Variants in CCDC33 observed in about 807,000 individuals in gnomAD.
The protein encoded by CCDC33 is coiled-coil domain containing 33.
A neutral mutation model predicts 91.9 loss-of-function variants in CCDC33; 94 were observed. The ratio of observed to expected loss-of-function variants is 1.02; its 90% CI spans 0.87 to 1.21. The LOEUF is 1.21. Ranked by LOEUF, CCDC33 falls within the 50% of genes most tolerant of loss-of-function variation. CCDC33 has a pLI of 0.00. For synonymous variants in CCDC33, 396 were observed against 374.5 expected (o/e 1.06, Z -0.66); for missense variants, 940 against 935.5 (o/e 1.00, Z -0.06).
At chr15:74,313,415 C>CTTTTTTT (rs35519774) in intron 11 of CCDC33, among the ~76,000 whole-genome samples, 18 of 94,180 alleles carry the variant, frequency 1.9e-4, no homozygotes, top group South Asian at 4.3e-4. Flanking sequence ...TTCTTTCTTT[C>CTTTTTTT]TTTTTTTTTT....
intron 7 of CCDC33, among the ~76,000 whole-genome samples, chr15:74,276,153 G>C (rs773581803): frequency 6.6e-6 from 1 of 152,176 alleles, no homozygotes; most frequent in African/African-American, 2.4e-5. Flanking sequence ...TTATGGAGGC[G>C]GAGCCACCCG....
At chr15:74,208,579 G>A (rs151287532) in intron 1 of CCDC33, among the ~76,000 whole-genome samples, 6 of 152,224 alleles carry the variant, frequency 3.9e-5, no homozygotes, top group Non-Finnish European at 4.4e-5. Context: ...AATGTCTCCT[G>A]CCTTTTGGAG....
chr15:74,235,607 C>T (rs1272680869), upstream of CCDC33, among the ~76,000 whole-genome samples: 1 of 152,150 alleles, frequency 6.6e-6, no homozygotes, highest in Non-Finnish European at 1.5e-5. Context: ...AGCAACCCCC[C>T]ACCCCAGGCC....
intron 2 of CCDC33, among the ~76,000 whole-genome samples, chr15:74,260,860 A>G (rs539771596): frequency 6.6e-6 from 1 of 152,312 alleles, no homozygotes; most frequent in South Asian, 2.1e-4. Context: ...CAGGAATCAT[A>G]TTTATATTTT....
At chr15:74,313,794 C>T (rs1355761350) in intron 11 of CCDC33, among the ~76,000 whole-genome samples, 1 of 152,274 alleles carries the variant, frequency 6.6e-6, no homozygotes, top group East Asian at 1.9e-4. Flanking sequence ...TAGAATGCAA[C>T]CAGACCTTAT....
chr15:74,272,757 C>T lies in CCDC33; in HGVS notation c.639-14C>T, dbSNP rs1388572128. Reference sequence around the variant, plus strand: ...AGAGCCCAGAGCACTGACCCTGTCTCCCTGCCTCCCCAGGGTCAGCCAGGC... The same window carrying T: ...AGAGCCCAGAGCACTGACCCTGTCTTCCTGCCTCCCCAGGGTCAGCCAGGC... On this transcript the variant is annotated splice_polypyrimidine_tract_variant and intron_variant, in intron 6 of 18. Transcript: ENST00000398814. 6.2e-7 allele frequency: 1 copy of T among 1,613,470 alleles called. No homozygotes were observed. Among genetic ancestry groups the T allele is most frequent in the Non-Finnish European group, 8.5e-7 (1 of 1,179,916 alleles).
At chr15:74,255,772 T>TC (rs1225920154) in intron 2 of CCDC33, among the ~76,000 whole-genome samples, 1 of 152,066 alleles carries the variant, frequency 6.6e-6, no homozygotes, top group African/African-American at 2.4e-5. Context: ...TCCCCCACTT[T>TC]CCCCCCACAG....
intron 11 of CCDC33, among the ~76,000 whole-genome samples, chr15:74,320,178 T>G (rs2060176965): frequency 6.6e-6 from 1 of 152,094 alleles, no homozygotes. Flanking sequence ...TGCGCTCTGT[T>G]CAGAAGCAGA....
At chr15:74,291,543 G>A (rs2059584616) in intron 10 of CCDC33, among the ~76,000 whole-genome samples, 1 of 152,240 alleles carries the variant, frequency 6.6e-6, no homozygotes, top group African/African-American at 2.4e-5. Flanking sequence ...TCCGCTTCAG[G>A]CCCCCTGGGG....
At chr15:74,306,231 T>C (rs1382682256) in intron 11 of CCDC33, among the ~76,000 whole-genome samples, 2 of 152,162 alleles carry the variant, frequency 1.3e-5, no homozygotes, top group Non-Finnish European at 1.5e-5. Context: ...ACATCAAGAA[T>C]GGCTGGAGGA....
Position 74,244,461 on chromosome 15 carries a change from C to T in CCDC33, c.185+313C>T, listed in dbSNP as rs942828039. On this transcript the variant is annotated intron_variant, in intron 2 of 18. Transcript: ENST00000398814. The surrounding 1 kb of genome is among the most constrained non-coding windows in gnomAD (Gnocchi z 4.2). ...TGTATGCAAAAGTCTGGGCTGGGCT[C>T]ATGGGCATGATGGTCAGATTGGGGA... 6.6e-6 allele frequency among the ~76,000 whole-genome samples: 1 copy of T among 152,060 alleles called. No individual in the cohort carries two copies. The highest frequency in any genetic ancestry group is 2.4e-5 in the African/African-American group (1 of 41,388).
At chr15:74,282,810 G>A (rs901161646) in intron 10 of CCDC33, among the ~76,000 whole-genome samples, 2 of 152,190 alleles carry the variant, frequency 1.3e-5, no homozygotes, top group Non-Finnish European at 2.9e-5. Context: ...TCTCAGCCCA[G>A]CTTAGACCCT....
chr15:74,269,731 A>G (rs959002818), intron 5 of CCDC33, among the ~76,000 whole-genome samples: 2 of 145,604 alleles, frequency 1.4e-5, no homozygotes, highest in Non-Finnish European at 3.0e-5. Flanking sequence ...TCTCTGGCTC[A>G]CAGCACCCTG....
rs1467020920 is a variant in CCDC33, at chr15:74,262,445, G to C, written c.191G>C (p.Ser64Thr). The C allele has an allele frequency of 6.2e-7, 1 of 1,613,972 alleles. No individual in the cohort carries two copies. The highest frequency in any genetic ancestry group is 8.5e-7 in the Non-Finnish European group (1 of 1,179,938). Residue 64 changes from serine to threonine, a missense_variant, in exon 3 of 19, where the codon AGC (serine) becomes ACC (threonine). Transcript: ENST00000398814. ...SEPWPYVVVKSTSEEKNNQSS... is the reference protein window; with the variant it reads ...SEPWPYVVVKTTSEEKNNQSS... ...CCTGCCCCTGCTCTCCCCAGGAAAA[G>C]CACATCTGAGGAAAAGAACAATCAG... is the stretch of plus-strand genomic sequence containing the variant.
At chr15:74,258,061 T>C (rs2075920632) in intron 2 of CCDC33, among the ~76,000 whole-genome samples, 1 of 152,240 alleles carries the variant, frequency 6.6e-6, no homozygotes, top group Non-Finnish European at 1.5e-5. Flanking sequence ...ACAGCTGGCC[T>C]GCAGGACTGC....
intron 2 of CCDC33, among the ~76,000 whole-genome samples, chr15:74,231,165 C>T (rs757837171): frequency 2.6e-5 from 4 of 152,212 alleles, no homozygotes; most frequent in Non-Finnish European, 5.9e-5. Context: ...CAGGATCCCA[C>T]CCTGGCCCAC....
rs1170185870 is a variant in CCDC33, at chr15:74,218,099, C to G, written c.311-398C>G. ...AATGAGAAGGAAATCCATGCCTAGA[C>G]TAAGGCCACCCTGGCAGGCTGCCTG... On this transcript the variant is annotated intron_variant, in intron 1 of 2. Coordinates refer to the CCDC33 transcript ENST00000635913. The surrounding 1 kb of genome is among the most constrained non-coding windows in gnomAD (Gnocchi z 4.8). 6.6e-6 allele frequency among the ~76,000 whole-genome samples: 1 copy of G among 152,098 alleles called. No homozygotes were observed. The highest frequency in any genetic ancestry group is 1.5e-5 in the Non-Finnish European group (1 of 68,030).
intron 11 of CCDC33, among the ~76,000 whole-genome samples, chr15:74,315,805 G>A (rs911114822): frequency 5.9e-5 from 9 of 152,188 alleles, no homozygotes; most frequent in Admixed American, 1.3e-4. Flanking sequence ...AGTGGCTGGC[G>A]TGGGAGTGGC....
intron 2 of CCDC33, among the ~76,000 whole-genome samples, chr15:74,249,720 T>C (rs2075647340): frequency 6.6e-6 from 1 of 152,188 alleles, no homozygotes; most frequent in African/African-American, 2.4e-5. Context: ...TTATTGAAAC[T>C]GTGCTGGGTG....
Sources: allele counts gnomAD v4.1 joint callset (sites outside exome capture counted in the v4.1 genomes callset), GRCh38; gene constraint gnomAD v4.1.1; non-coding constraint Gnocchi (gnomAD v3.1); transcripts MANE v1.5; gene names NCBI Gene and HGNC (gene_info 2026-07-23, HGNC 2026-07-21).